The following MAPK10 variants were observed in gnomAD, a reference collection of about 807,000 sequenced individuals.
MAPK10 encodes the protein JNK3 alpha protein kinase.
Under a neutral mutation model 59.3 loss-of-function variants are expected in MAPK10, and 25 were observed. The observed-to-expected ratio is 0.42, with a 90% CI of 0.31 to 0.59. MAPK10 has a LOEUF of 0.59. MAPK10 is among the 20% of genes least tolerant of loss of function. The pLI is 0.15. For synonymous variants in MAPK10, 190 were observed against 200.5 expected (o/e 0.95, Z 0.44); for missense variants, 351 against 568.9 (o/e 0.62, Z 3.90).
intron 1 of MAPK10, among the ~76,000 whole-genome samples, chr4:86,421,474 C>T (rs1746532213): frequency 6.6e-6 from 1 of 152,170 alleles, no homozygotes; most frequent in Non-Finnish European, 1.5e-5. Context: ...CGCCCCCTTG[C>T]ACACTCACAA....
intron 1 of MAPK10, among the ~76,000 whole-genome samples, chr4:86,538,388 C>T (rs911354751): frequency 6.6e-6 from 1 of 152,124 alleles, no homozygotes; most frequent in Non-Finnish European, 1.5e-5. Context: ...TCAGGTGATC[C>T]GCCCACCTTG....
intron 2 of MAPK10, among the ~76,000 whole-genome samples, chr4:86,251,319 T>TC (rs1583505020): frequency 6.6e-6 from 1 of 151,744 alleles, no homozygotes; most frequent in African/African-American, 2.4e-5. Context: ...ATGCTATCCC[T>TC]CCCCCCTCCT....
intron 4 of MAPK10, among the ~76,000 whole-genome samples, chr4:86,118,654 G>C (rs140574960): frequency 6.6e-6 from 1 of 151,100 alleles, no homozygotes; most frequent in South Asian, 2.1e-4. Flanking sequence ...ATATTTATCA[G>C]GTATTTTTTT....
In MAPK10 at chr4:86,015,006, T is replaced by TC. The variant is rs1742754717; in HGVS notation, c.*2221_*2222insG. 8.4e-6 allele frequency: 1 copy of TC among 119,282 alleles called. No homozygotes were observed. The highest frequency in any genetic ancestry group is 4.2e-5 in the African/African-American group (1 of 23,712). 7.4% of individuals were successfully genotyped at this position (119,282 alleles called of 1,614,324 possible). A position where few individuals can be genotyped will look rare whatever the true frequency, so the allele number is the denominator to read the frequency against. ...ATTAGAGATACAGAGAGGAGAAGTT[T>TC]TTAAAAAAAAAAAAAAAAAACAGGA... On this transcript the variant is annotated 3_prime_UTR_variant, in exon 14 of 14. Coordinates refer to ENST00000641462, the MANE Select transcript of MAPK10 (RefSeq NM_138982.4).
intron 1 of MAPK10, among the ~76,000 whole-genome samples, chr4:86,437,736 A>G (rs533387083): frequency 1.3e-5 from 2 of 152,330 alleles, no homozygotes; most frequent in African/African-American, 4.8e-5. Flanking sequence ...TTCTACTCCT[A>G]GTGATATACC....
At chr4:86,184,370 A>G (rs1435257988) in intron 3 of MAPK10, among the ~76,000 whole-genome samples, 3 of 152,180 alleles carry the variant, frequency 2.0e-5, no homozygotes, top group Non-Finnish European at 4.4e-5. Context: ...TGCAAGTGCT[A>G]GGGCCCAGAT....
chr4:86,412,073 G>A (rs535926351), intron 1 of MAPK10, among the ~76,000 whole-genome samples: 1 of 152,238 alleles, frequency 6.6e-6, no homozygotes, highest in South Asian at 2.1e-4. Context: ...CTTTCTTCAG[G>A]AGTTCTTGTA....
chr4:86,268,631 A>G (rs1447161802), intron 2 of MAPK10: 4 of 151,908 alleles, frequency 2.6e-5, no homozygotes, highest in Admixed American at 6.6e-5. Flanking sequence ...ATCTCCACCT[A>G]GGTTCATTTG....
intron 2 of MAPK10, among the ~76,000 whole-genome samples, chr4:86,257,387 A>T (rs1406885171): frequency 6.6e-6 from 1 of 152,178 alleles, no homozygotes; most frequent in Non-Finnish European, 1.5e-5. Context: ...TACCATATCC[A>T]CTCACAGTGA....
intron 2 of MAPK10, among the ~76,000 whole-genome samples, chr4:86,338,523 T>C (rs7666454): frequency 0.74 from 112,234 of 152,008 alleles, 42,087 homozygotes; most frequent in South Asian, 0.91. Flanking sequence ...CTTGTGGGGA[T>C]TCCCATGCTC....
At chr4:86,028,394 C>T (rs1317627027) in intron 13 of MAPK10, 1 of 151,686 alleles carries the variant, frequency 6.6e-6, no homozygotes, top group Non-Finnish European at 1.5e-5. Flanking sequence ...ATTAGTTATT[C>T]GAAGAGTAGT....
At chr4:86,211,266 T>C (rs888967087) in intron 2 of MAPK10, among the ~76,000 whole-genome samples, 3 of 151,944 alleles carry the variant, frequency 2.0e-5, no homozygotes, top group East Asian at 1.9e-4. Context: ...AAAGACCCCA[T>C]GCTAAGACAC....
At chr4:86,128,530 T>C (rs2060461075) in intron 4 of MAPK10, among the ~76,000 whole-genome samples, 1 of 152,086 alleles carries the variant, frequency 6.6e-6, no homozygotes, top group Admixed American at 6.6e-5. Context: ...CTTCCCCTTC[T>C]GCCATGATTG....
chr4:86,167,526 G>A (rs1480565253), intron 3 of MAPK10, among the ~76,000 whole-genome samples: 1 of 152,062 alleles, frequency 6.6e-6, no homozygotes, highest in Non-Finnish European at 1.5e-5. Context: ...CTACACAATC[G>A]AGTCGGCTTC....
chr4:86,541,567 GAGAC>G (rs1361675353), intron 1 of MAPK10, among the ~76,000 whole-genome samples: 2 of 152,166 alleles, frequency 1.3e-5, no homozygotes, highest in Non-Finnish European at 2.9e-5. Context: ...TAACCTCGAA[GAGAC>G]AGACAGAGTT....
Position 86,492,625 on chromosome 4 carries a change from T to C in MAPK10, c.-263+101285A>G, listed in dbSNP as rs578040789. On this transcript the variant is annotated intron_variant, in intron 1 of 4. Coordinates refer to the MAPK10 transcript ENST00000502302. ...TTTTGCTTATTTCCCAGGGTGGAGATTAAATGAGATAATTAATGTAAAATA... is the reference window on the plus strand; with the variant it reads ...TTTTGCTTATTTCCCAGGGTGGAGACTAAATGAGATAATTAATGTAAAATA... Among the ~76,000 whole-genome samples, 6 of 152,288 alleles carry C rather than the reference T, an allele frequency of 3.9e-5. No individual in the cohort carries two copies. In the East Asian group the frequency reaches 1.2e-3, roughly 29 times the overall value.
At chr4:86,350,254 G>A (rs879441011) in intron 2 of MAPK10, among the ~76,000 whole-genome samples, 6 of 149,218 alleles carry the variant, frequency 4.0e-5, no homozygotes, top group South Asian at 4.2e-4. Flanking sequence ...TCACTCTGTC[G>A]CCCAGGCTGG....
chr4:86,552,512 AGG>A (rs1759922600), intron 1 of MAPK10, among the ~76,000 whole-genome samples: 3 of 107,272 alleles, frequency 2.8e-5, no homozygotes, highest in African/African-American at 7.2e-5. Context: ...AAAGGAAGGA[AGG>A]AAGGAAGGAA....
chr4:86,125,808 A>G (rs1562022334), intron 4 of MAPK10: 2 of 152,072 alleles, frequency 1.3e-5, no homozygotes, highest in Non-Finnish European at 2.9e-5. Flanking sequence ...TGTTAACTTT[A>G]TTTATGCCAG....
Sources: allele counts gnomAD v4.1 joint callset (sites outside exome capture counted in the v4.1 genomes callset), GRCh38; gene constraint gnomAD v4.1.1; transcripts MANE v1.5; gene names NCBI Gene and HGNC (gene_info 2026-07-23, HGNC 2026-07-21).